MYO1A: variants seen among roughly 807,000 people sequenced by gnomAD.
MYO1A encodes the protein unconventional myosin-Ia.
In MYO1A, 127 loss-of-function variants were observed where a neutral mutation model predicts 138.5. The ratio of observed to expected loss-of-function variants is 0.92; its 90% CI spans 0.79 to 1.06. MYO1A has a LOEUF of 1.06. MYO1A is among the 50% of genes least tolerant of loss of function. The pLI is 0.00. For synonymous variants in MYO1A, 477 were observed against 497.5 expected (o/e 0.96, Z 0.55); for missense variants, 1,211 against 1,288.8 (o/e 0.94, Z 0.92).
upstream of MYO1A, among the ~76,000 whole-genome samples, chr12:57,050,532 T>G (rs546572313): frequency 6.6e-6 from 1 of 152,190 alleles, no homozygotes; most frequent in East Asian, 1.9e-4. Context: ...AAAGAGTGTC[T>G]TCCTAGCAAA....
At chr12:57,047,568 A>G (rs980516649) in intron 4 of MYO1A, 59 bp downstream of exon 4, 2 of 1,583,092 alleles carry the variant, frequency 1.3e-6, no homozygotes, top group African/African-American at 2.7e-5. Flanking sequence ...TGGCTTGCAA[A>G]GAGACAAGGA....
At position 57,047,288 on chromosome 12, in the gene MYO1A, G is replaced by A; in HGVS notation, c.430+15C>T. 6.2e-7 allele frequency: 1 copy of A among 1,607,840 alleles called. No individual in the cohort carries two copies. Among genetic ancestry groups the A allele is most frequent in the Non-Finnish European group, 8.5e-7 (1 of 1,174,248 alleles). ...TTAGATGGAGGGTGGAGAGGGCAGA[G>A]AGCAGAATTCTCACCCTCCAGCACT... On this transcript the variant is annotated intron_variant, in intron 5 of 27. Coordinates refer to ENST00000300119, the MANE Select transcript of MYO1A (RefSeq NM_005379.4).
rs545125112 is a variant in MYO1A at position 57,046,768 on chromosome 12, C to T, written c.541+95G>A. On this transcript the variant is annotated intron_variant, in intron 7 of 27. Coordinates refer to ENST00000300119, the MANE Select transcript of MYO1A (RefSeq NM_005379.4). ...CCTAGTGGTTGGGAAGTCTCCTTGA[C>T]GTCTAACATTCTGCCTTTCTACAGG... The T allele has an allele frequency of 3.8e-5, 58 of 1,522,876 alleles. No homozygotes were observed. The East Asian group carries it at 5.9e-4, about 15-fold the overall frequency. The allele number at this position is 1,522,876 out of a possible 1,614,324, so 94.3% of individuals were successfully genotyped here.
chr12:57,043,797 C>T lies in MYO1A; in HGVS notation c.892+59G>A, dbSNP rs2030970940. On this transcript the variant is annotated intron_variant, in intron 10 of 27. Coordinates refer to ENST00000300119, the MANE Select transcript of MYO1A (RefSeq NM_005379.4). ...TTATGCTAGAGATGGTAGAAGGACA[C>T]GACTTGTAGTAGGAAATTCAGGGTC... 16 of 1,610,374 alleles carry T rather than the reference C, an allele frequency of 9.9e-6. 1 individual carries two copies. The highest frequency in any genetic ancestry group is 6.6e-5 in the South Asian group (6 of 90,706).
At chr12:57,033,379 G>A (rs1490565942) in intron 22 of MYO1A, among the ~76,000 whole-genome samples, 1 of 152,056 alleles carries the variant, frequency 6.6e-6, no homozygotes, top group Non-Finnish European at 1.5e-5. Flanking sequence ...TTTGAGACAG[G>A]GTTTTGCTCT....
At chr12:57,046,705 C>T in intron 7 of MYO1A, 55 bp from the exon 8 acceptor site, 3 of 1,547,174 alleles carry the variant, frequency 1.9e-6, no homozygotes, top group Non-Finnish European at 2.7e-6. Flanking sequence ...GCCGTAGCTT[C>T]TCCAGCCCTA....
At chr12:57,030,383 G>T in intron 23 of MYO1A, 67 bp from the exon 24 acceptor site, 1 of 1,306,454 alleles carries the variant, frequency 7.7e-7, no homozygotes, top group Non-Finnish European at 1.1e-6. Flanking sequence ...AGGGAGGTGA[G>T]AAATATTGAC....
intron 13 of MYO1A, 32 bp downstream of exon 13, chr12:57,041,400 G>A (rs780272569): frequency 6.2e-7 from 1 of 1,605,542 alleles, no homozygotes; most frequent in Non-Finnish European, 8.5e-7. Flanking sequence ...CTAATCCTAG[G>A]GGAGCAGGGT....
At chr12:57,047,780 A>G (rs1183794622) in intron 3 of MYO1A, 59 bp from the exon 4 acceptor site, 1 of 1,604,402 alleles carries the variant, frequency 6.2e-7, no homozygotes, top group Non-Finnish European at 8.5e-7. Flanking sequence ...ACCATCTTTC[A>G]CTCAATCTCC....
chr12:57,037,814 G>T, intron 18 of MYO1A, 55 bp downstream of exon 18: 1 of 1,590,474 alleles, frequency 6.3e-7, no homozygotes, highest in South Asian at 1.1e-5. Context: ...TCTTCCCCCA[G>T]AGATGTTTCC....
rs324009 is a variant in MYO1A, at chr12:57,039,136, C to A, written c.1332+76G>T. 3.2e-4 allele frequency: 502 copies of A among 1,565,702 alleles called. 1 individual carries two copies. The African/African-American group carries it at 5.3e-3, about 16-fold the overall frequency. On this transcript the variant is annotated intron_variant, in intron 15 of 27. Coordinates refer to ENST00000300119, the MANE Select transcript of MYO1A (RefSeq NM_005379.4). ...TTACTGTCCCTACCAAGTGGGGAAT[C>A]AGGGAGAGAGACAGGGGAAGGATGT...
At chr12:57,041,532 C>A (rs1282859363) in intron 12 of MYO1A, 35 bp from the exon 13 acceptor site, 3 of 1,572,892 alleles carry the variant, frequency 1.9e-6, no homozygotes, top group Non-Finnish European at 2.6e-6. Context: ...TGAGGACAGG[C>A]CCCCTCTGCA....
rs374371031 is a variant in MYO1A, at chr12:57,037,992, C to T, written c.1838G>A (p.Gly613Glu). 6.8e-6 allele frequency: 11 copies of T among 1,614,050 alleles called. No homozygotes were observed. Among genetic ancestry groups the T allele is most frequent in the Non-Finnish European group, 8.5e-6 (10 of 1,180,040 alleles). ...TCGCACCCGTACGTTCTCCAGCAGTCCCAGGTACCGAGCCTGGGTTGCCAC... is the reference window on the plus strand; with the variant it reads ...TCGCACCCGTACGTTCTCCAGCAGTTCCAGGTACCGAGCCTGGGTTGCCAC... ...DLVATQARYL[G>E]LLENVRVRRA... The change falls in exon 18 of 28, where the codon GGA becomes GAA. Residue 613 changes from glycine (G) to glutamate (E), a missense_variant. By Grantham distance (98) the Gly-to-Glu change is moderately conservative (BLOSUM62 -2). Transcript: ENST00000300119.
intron 8 of MYO1A, 130 bp downstream of exon 8, chr12:57,046,422 G>A: frequency 1.3e-6 from 1 of 757,926 alleles, no homozygotes; most frequent in East Asian, 2.5e-5. Flanking sequence ...ATGCAGCAAG[G>A]AAAATCTGGG....
At chr12:57,041,016 T>C (rs2030832479) in intron 14 of MYO1A, among the ~76,000 whole-genome samples, 168 bp downstream of exon 14, 1 of 152,204 alleles carries the variant, frequency 6.6e-6, no homozygotes, top group Non-Finnish European at 1.5e-5. Flanking sequence ...AGCAGAGGAT[T>C]AGGGCTACTT....
At chr12:57,030,367 C>G in intron 23 of MYO1A, 51 bp from the exon 24 acceptor site, 86 of 1,016,322 alleles carry the variant, frequency 8.5e-5, no homozygotes, top group Middle Eastern at 2.1e-4. Context: ...GAGGGCAGGG[C>G]TGGGGAGGGA....
chr12:57,037,437 C>T, intron 19 of MYO1A, 111 bp downstream of exon 19: 1 of 1,005,604 alleles, frequency 9.9e-7, no homozygotes, highest in East Asian at 2.4e-5. Context: ...TTCCCATCCA[C>T]TGGACAGTGA....
In MYO1A at chr12:57,029,766, T is replaced by G. The variant is rs199692652; in HGVS notation, c.2698A>C (p.Lys900Gln). 1.9e-6 allele frequency: 3 copies of G among 1,614,174 alleles called. No individual in the cohort carries two copies. In the Admixed American group the frequency reaches 5.0e-5, roughly 27 times the overall value. ...EGPVLMAEAV[K>Q]KVNRGNGKTS... ...TTGCCATTGCCACGATTGACCTTCTTCACGGCCTCTGCCATCAGAACAGGC... is the reference window on the plus strand; with the variant it reads ...TTGCCATTGCCACGATTGACCTTCTGCACGGCCTCTGCCATCAGAACAGGC... The change falls in exon 25 of 28, where the codon AAG becomes CAG. Residue 900 changes from lysine (K) to glutamine (Q), a missense_variant. Transcript: ENST00000300119.
intron 19 of MYO1A, among the ~76,000 whole-genome samples, chr12:57,037,328 G>A (rs1037890895): frequency 6.6e-6 from 1 of 152,176 alleles, no homozygotes; most frequent in Non-Finnish European, 1.5e-5. Context: ...CTCAGGCAAA[G>A]GCACTTAGAG....
Sources: gnomAD v4.1 joint callset for allele counts (sites outside exome capture counted in the v4.1 genomes callset) on GRCh38, gnomAD v4.1.1 for gene constraint, MANE v1.5 for transcripts, NCBI Gene and HGNC (gene_info 2026-07-23, HGNC 2026-07-21) for gene names.